STK4: variants seen among roughly 807,000 people sequenced by gnomAD.
STK4 encodes serine/threonine-protein kinase 4.
A neutral mutation model predicts 64.9 loss-of-function variants in STK4; 30 were observed. That is an observed-to-expected ratio of 0.46 (90% CI 0.35 to 0.63). The LOEUF (loss-of-function observed/expected upper bound fraction) is 0.63, where lower values mean the gene tolerates loss of function less well. STK4 is among the 20% of genes least tolerant of loss of function. The pLI is 0.01. For missense variants in STK4, 466 were observed against 598.5 expected (o/e 0.78, Z 2.31); for synonymous variants, 177 against 199.0 (o/e 0.89, Z 0.93).
At chr20:45,019,559 A>G (rs1241599645) in intron 9 of STK4, among the ~76,000 whole-genome samples, 2 of 152,218 alleles carry the variant, frequency 1.3e-5, no homozygotes, top group Admixed American at 6.5e-5. Flanking sequence ...GCTTAGACAG[A>G]TTGTTCATTT....
chr20:45,000,378 C>T lies in STK4; in HGVS notation c.832-14C>T. 2 of 1,611,682 alleles carry T rather than the reference C, an allele frequency of 1.2e-6. No individual in the cohort carries two copies. Among genetic ancestry groups the T allele is most frequent in the Non-Finnish European group, 1.7e-6 (2 of 1,178,646 alleles). On this transcript the variant is annotated splice_polypyrimidine_tract_variant and intron_variant, in intron 7 of 10. Coordinates refer to ENST00000372806, the MANE Select transcript of STK4 (RefSeq NM_006282.5). ...TATAAACTGTCTCCAGTATTTTCTACTTTGTTCTTTTAGCACCCATTTGTC... is the reference window on the plus strand; with the variant it reads ...TATAAACTGTCTCCAGTATTTTCTATTTTGTTCTTTTAGCACCCATTTGTC...
chr20:45,061,360 A>G (rs140294832), intron 10 of STK4, among the ~76,000 whole-genome samples: 175 of 152,270 alleles, frequency 1.1e-3, no homozygotes, highest in African/African-American at 4.1e-3. Context: ...TAAATAGAAA[A>G]TTCCAGAAAT....
chr20:45,039,442 G>A (rs963901286), intron 10 of STK4, among the ~76,000 whole-genome samples: 2 of 152,074 alleles, frequency 1.3e-5, no homozygotes, highest in Non-Finnish European at 2.9e-5. Flanking sequence ...TCATTTGAAG[G>A]TTTGAATTTT....
chr20:44,977,454 T>C (rs1043829105), intron 2 of STK4, among the ~76,000 whole-genome samples: 1 of 152,324 alleles, frequency 6.6e-6, no homozygotes, highest in East Asian at 1.9e-4. Context: ...TTACTCAGTA[T>C]TATTTCACTG....
intron 3 of STK4, among the ~76,000 whole-genome samples, chr20:44,980,208 G>A (rs886564163): frequency 3.3e-5 from 5 of 152,168 alleles, no homozygotes; most frequent in African/African-American, 1.2e-4. Context: ...ACTCCTGTCA[G>A]TACTGTATTA....
rs574858096 is a variant in STK4 at position 45,076,558 on chromosome 20, G to C, written c.*1382G>C. ...GGCTGTAAAGAGATTCCCTGGACGA[G>C]CCAGATCATTCAGTTTCAGCGAGTC... On this transcript the variant is annotated 3_prime_UTR_variant, in exon 11 of 11. Coordinates refer to ENST00000372806, the MANE Select transcript of STK4 (RefSeq NM_006282.5). This position sits in a 1 kb window ranked among gnomAD's most constrained non-coding sequence, Gnocchi z 4.0. The C allele has an allele frequency of 4.0e-4, 61 of 152,330 alleles. No homozygotes were observed. Among genetic ancestry groups the C allele is most frequent in the African/African-American group, 1.4e-3 (59 of 41,570 alleles). 9.4% of individuals were successfully genotyped at this position (152,330 alleles called of 1,614,324 possible).
intron 10 of STK4, among the ~76,000 whole-genome samples, chr20:45,043,105 AT>A (rs1194112462): frequency 1.3e-5 from 2 of 149,784 alleles, no homozygotes; most frequent in Non-Finnish European, 3.0e-5. Context: ...AACATGCAGC[AT>A]TTTTTTTTCT....
chr20:45,025,196 T>C (rs2068323887), intron 10 of STK4, 66 bp downstream of exon 10: 1 of 1,526,644 alleles, frequency 6.6e-7, no homozygotes, highest in Admixed American at 2.0e-5. Context: ...CACACATTAG[T>C]GCCCAAGCAT....
intron 8 of STK4, 39 bp from the exon 9 acceptor site, chr20:45,001,127 TG>T: frequency 6.3e-7 from 1 of 1,576,898 alleles, no homozygotes; most frequent in East Asian, 2.3e-5. Flanking sequence ...CAAAGTCTTT[TG>T]TCAAATTAGC....
intron 9 of STK4, among the ~76,000 whole-genome samples, chr20:45,007,637 T>C (rs1277336757): frequency 1.3e-5 from 2 of 152,254 alleles, no homozygotes; most frequent in East Asian, 3.8e-4. Context: ...TTGCCTATTA[T>C]ATTCATAGGC....
At chr20:45,062,579 G>A (rs1025714726) in intron 10 of STK4, among the ~76,000 whole-genome samples, 6 of 152,080 alleles carry the variant, frequency 3.9e-5, no homozygotes, top group Non-Finnish European at 7.4e-5. Flanking sequence ...CCACAACCTC[G>A]CCAGCATCTG....
intron 10 of STK4, among the ~76,000 whole-genome samples, chr20:45,070,941 T>A (rs921453406): frequency 7.9e-5 from 12 of 151,428 alleles, no homozygotes; most frequent in Non-Finnish European, 1.5e-4. Flanking sequence ...TAGAATAGCA[T>A]GGGAAAGACC....
At chr20:45,014,429 AAAAT>A (rs2145354978) in intron 9 of STK4, among the ~76,000 whole-genome samples, 1 of 152,256 alleles carries the variant, frequency 6.6e-6, no homozygotes, top group African/African-American at 2.4e-5. Context: ...GTCTCAAAAT[AAAAT>A]AAAATAAAAT....
At chr20:45,010,805 C>T (rs1015226734) in intron 9 of STK4, among the ~76,000 whole-genome samples, 2 of 152,094 alleles carry the variant, frequency 1.3e-5, no homozygotes, top group Non-Finnish European at 2.9e-5. Context: ...ATTTTGATAA[C>T]CAGTTACTCT....
In STK4 at chr20:44,991,528, T is replaced by C. The variant is rs930294484; in HGVS notation, c.526-3562T>C. The stretch of plus-strand genomic sequence containing the variant: ...TCCCCTCATATTTGCTAATGCTGAA[T>C]GGGCAGCAACTTGTATCTTCCCTGC... On this transcript the variant is annotated intron_variant, in intron 5 of 10. Transcript: ENST00000372806. Among the ~76,000 whole-genome samples the C allele has an allele frequency of 1.8e-4, 27 of 152,236 alleles. 1 individual carries two copies. Among genetic ancestry groups the C allele is most frequent in the African/African-American group, 6.3e-4 (26 of 41,472 alleles).
chr20:45,069,794 C>T (rs201474952), intron 10 of STK4, among the ~76,000 whole-genome samples: 3 of 152,170 alleles, frequency 2.0e-5, no homozygotes, highest in South Asian at 2.1e-4. Context: ...ACCAGTATTA[C>T]GTTTAGCATA....
intron 10 of STK4, among the ~76,000 whole-genome samples, chr20:45,034,872 G>C (rs921882598): frequency 1.3e-5 from 2 of 152,064 alleles, no homozygotes; most frequent in African/African-American, 4.8e-5. Context: ...AGCTAGGATT[G>C]CACCACTGTA....
At position 44,987,245 on chromosome 20, in the gene STK4, T is replaced by C; in HGVS notation, c.474T>C (p.Asn158=). Residue 158 remains asparagine, a synonymous_variant, in exon 5 of 11, where the codon AAT becomes AAC. Coordinates refer to ENST00000372806, the MANE Select transcript of STK4 (RefSeq NM_006282.5). ...RDIKAGNILL[N]TEGHAKLADF... is the part of the protein sequence containing the mutation. ...TCAAGGCAGGAAATATTTTGCTAAA[T>C]ACAGAAGGACATGCAAAACTTGCAG... 1 of 1,611,914 alleles carries C rather than the reference T, an allele frequency of 6.2e-7. No homozygotes were observed. The highest frequency in any genetic ancestry group is 8.5e-7 in the Non-Finnish European group (1 of 1,179,366).
At chr20:45,023,510 A>G (rs1165816841) in intron 9 of STK4, among the ~76,000 whole-genome samples, 1 of 152,088 alleles carries the variant, frequency 6.6e-6, no homozygotes, top group Non-Finnish European at 1.5e-5. Context: ...TTTCCTGATT[A>G]CTGTAGGAAA....
Sources: gnomAD v4.1 joint callset for allele counts (sites outside exome capture counted in the v4.1 genomes callset) on GRCh38, gnomAD v4.1.1 for gene constraint, Gnocchi (gnomAD v3.1) non-coding constraint, MANE v1.5 for transcripts, NCBI Gene and HGNC (gene_info 2026-07-23, HGNC 2026-07-21) for gene names.